The following WLS variants were observed in gnomAD, a reference collection of about 807,000 sequenced individuals.
The protein encoded by WLS is protein wntless homolog.
WLS carries 23 observed loss-of-function variants against 62.8 expected under a neutral mutation model. The observed-to-expected ratio is 0.37, with a 90% confidence interval of 0.26 to 0.52. The LOEUF (loss-of-function observed/expected upper bound fraction) is 0.52. Among genes scored for constraint, WLS ranks in the 20% least tolerant of loss-of-function variants. WLS has a pLI of 0.92. For synonymous variants in WLS, 246 were observed against 244.1 expected (o/e 1.01, Z -0.07); for missense variants, 615 against 697.3 (o/e 0.88, Z 1.33).
downstream of WLS, among the ~76,000 whole-genome samples, chr1:68,124,768 G>T (rs895463933): frequency 6.6e-6 from 1 of 152,206 alleles, no homozygotes; most frequent in Admixed American, 6.5e-5. Context: ...GTCAGGAAAA[G>T]GCAGGCTAGG....
chr1:68,116,952 G>A (rs999051761), intron 11 of WLS, among the ~76,000 whole-genome samples: 1 of 152,164 alleles, frequency 6.6e-6, no homozygotes, highest in Non-Finnish European at 1.5e-5. Flanking sequence ...AGGTTGCCAT[G>A]AACCTGTACG....
At chr1:68,116,570 G>C (rs1340617240) in intron 11 of WLS, among the ~76,000 whole-genome samples, 1 of 152,118 alleles carries the variant, frequency 6.6e-6, no homozygotes, top group Non-Finnish European at 1.5e-5. Context: ...CTACCTCATA[G>C]GATTCATTTA....
At position 68,161,570 on chromosome 1, in the gene WLS, C is replaced by T. The variant is rs113079550; in HGVS notation, c.380-2323G>A. ...AATAAATCACATCCTAGTCTTTCAG[C>T]GCTTCCGTAAGCAGACGACATCTTC... On this transcript the variant is annotated intron_variant, in intron 2 of 11. Coordinates refer to ENST00000262348, the MANE Select transcript of WLS (RefSeq NM_024911.7). Among the ~76,000 whole-genome samples, 480 of 152,316 alleles carry T rather than the reference C, an allele frequency of 3.2e-3. 2 individuals are homozygous for T. The highest frequency in any genetic ancestry group is 0.011 in the African/African-American group (466 of 41,574).
chr1:68,106,065 T>TAA (rs1646139018), intron 11 of WLS, among the ~76,000 whole-genome samples: 1 of 152,138 alleles, frequency 6.6e-6, no homozygotes, highest in Non-Finnish European at 1.5e-5. Context: ...TACCTCGCTC[T>TAA]GAAATTTCAG....
chr1:68,210,863 A>G (rs963043125), intron 1 of WLS, among the ~76,000 whole-genome samples: 2 of 152,274 alleles, frequency 1.3e-5, no homozygotes, highest in South Asian at 4.1e-4. Flanking sequence ...TTCTGAATAG[A>G]TGATCAAGGG....
chr1:68,190,636 T>G (rs1648238001), intron 2 of WLS, among the ~76,000 whole-genome samples: 1 of 151,966 alleles, frequency 6.6e-6, no homozygotes, highest in African/African-American at 2.4e-5. Flanking sequence ...AGATCCCCCT[T>G]CCCCGGTGGA....
At chr1:68,217,387 C>T (rs775550961) in intron 1 of WLS, among the ~76,000 whole-genome samples, 6 of 152,172 alleles carry the variant, frequency 3.9e-5, no homozygotes, top group Admixed American at 6.5e-5. Context: ...TGGACTTCTG[C>T]TTCATTACAC....
intron 1 of WLS, among the ~76,000 whole-genome samples, chr1:68,210,101 T>C (rs1158582830): frequency 6.6e-6 from 1 of 152,236 alleles, no homozygotes; most frequent in Admixed American, 6.5e-5. Context: ...TGGATGTCTT[T>C]GTTCTAGGGA....
At chr1:68,198,632 C>T (rs12031543) in intron 1 of WLS, among the ~76,000 whole-genome samples, 14,996 of 152,102 alleles carry the variant, frequency 0.099, 1,062 homozygotes, top group East Asian at 0.32. Context: ...TAGACACTGC[C>T]GGTTCTGGAG....
chr1:68,107,706 T>C (rs1048866356), intron 11 of WLS, among the ~76,000 whole-genome samples: 2 of 152,236 alleles, frequency 1.3e-5, no homozygotes, highest in South Asian at 2.1e-4. Flanking sequence ...ACGTGCTTTA[T>C]TGCATTTGAT....
At position 68,203,832 on chromosome 1, in the gene WLS, T is replaced by C. The variant is rs113405433; in HGVS notation, c.107-9605A>G. ...TAGGCAAACAATGGCACAGTTTGAC[T>C]CAGGAAAGGGTGGGTTCCTCAACCA... is the stretch of plus-strand genomic sequence containing the variant. On this transcript the variant is annotated intron_variant, in intron 1 of 11. Transcript: ENST00000262348. Among the ~76,000 whole-genome samples, 176 of 152,242 alleles carry C rather than the reference T, an allele frequency of 1.2e-3. 1 individual carries two copies. Among genetic ancestry groups the C allele is most frequent in the African/African-American group, 4.1e-3 (172 of 41,534 alleles).
chr1:68,203,774 A>G (rs1165922418), intron 1 of WLS, among the ~76,000 whole-genome samples: 1 of 152,220 alleles, frequency 6.6e-6, no homozygotes, highest in African/African-American at 2.4e-5. Context: ...CTGACTCCAG[A>G]GCAACCTATG....
chr1:68,232,449 G>C lies in WLS; in HGVS notation c.-150C>G, dbSNP rs113345699. 6.6e-4 allele frequency: 915 copies of C among 1,393,976 alleles called. 4 individuals carry two copies. The African/African-American group carries it at 0.012, about 19-fold the overall frequency. 86.4% of individuals were successfully genotyped at this position (1,393,976 alleles called of 1,614,324 possible). On this transcript the variant is annotated 5_prime_UTR_variant, in exon 1 of 12. Coordinates refer to ENST00000262348, the MANE Select transcript of WLS (RefSeq NM_024911.7). ...GCTGGAGCGCGGCGAGGATGGGACC[G>C]GGACGGAAGGCGCCCGCACGGATTC...
chr1:68,204,602 C>A (rs896286645), intron 1 of WLS, among the ~76,000 whole-genome samples: 1 of 152,224 alleles, frequency 6.6e-6, no homozygotes, highest in African/African-American at 2.4e-5. Context: ...CCACCGCGCC[C>A]GGCCGGAAAT....
At chr1:68,150,384 C>G in intron 5 of WLS, 28 bp from the exon 6 acceptor site, 1 of 1,608,254 alleles carries the variant, frequency 6.2e-7, no homozygotes, top group South Asian at 1.1e-5. Context: ...TCAGGACAGC[C>G]ACTTTATTCA....
intron 11 of WLS, among the ~76,000 whole-genome samples, chr1:68,110,501 G>A (rs1284608667): frequency 1.3e-5 from 2 of 152,038 alleles, no homozygotes; most frequent in African/African-American, 4.8e-5. Flanking sequence ...TGTCCAAGAA[G>A]AGCCAAGACA....
In WLS at chr1:68,144,495, C is replaced by T. The variant is rs535271532; in HGVS notation, c.1362+74G>A. 1.6e-4 allele frequency: 221 copies of T among 1,422,928 alleles called. No homozygotes were observed. In the African/African-American group the frequency reaches 2.7e-3, roughly 17 times the overall value. The allele number at this position is 1,422,928 out of a possible 1,614,324, so 88.1% of individuals were successfully genotyped here. A position where few individuals can be genotyped will look rare whatever the true frequency, so the allele number is the denominator to read the frequency against. On this transcript the variant is annotated intron_variant, in intron 10 of 11. Coordinates refer to ENST00000262348, the MANE Select transcript of WLS (RefSeq NM_024911.7). ...CTCTCTCCTCCTTTCCTCAGTGGCT[C>T]TATTGAATTTCTGTGCAGGGTAGAG...
rs138343697 is a variant in WLS at position 68,183,607 on chromosome 1, A to G, written c.379+10348T>C. 2.8e-4 allele frequency: 142 copies of G among 507,476 alleles called. 1 individual carries two copies. The East Asian group carries it at 8.1e-3, about 29-fold the overall frequency. The allele number at this position is 507,476 out of a possible 1,614,324, so 31.4% of individuals were successfully genotyped here. On this transcript the variant is annotated intron_variant, in intron 2 of 11. Coordinates refer to ENST00000262348, the MANE Select transcript of WLS (RefSeq NM_024911.7). ...CTACAAATTCACCCATCACCATTGT[A>G]GATAATGTGAGGGGTGAATTTGTAG...
At chr1:68,141,367 C>A (rs1646684013) in intron 10 of WLS, 1 of 152,212 alleles carries the variant, frequency 6.6e-6, no homozygotes, top group East Asian at 1.9e-4. Flanking sequence ...CTCCCCTGCA[C>A]TGCACTTCTG....
Sources: allele counts gnomAD v4.1 joint callset (sites outside exome capture counted in the v4.1 genomes callset), GRCh38; gene constraint gnomAD v4.1.1; transcripts MANE v1.5; gene names NCBI Gene and HGNC (gene_info 2026-07-23, HGNC 2026-07-21).